TCERG1L: variants seen among roughly 807,000 people sequenced by gnomAD.
The protein encoded by TCERG1L is transcription elongation regulator 1 like.
A neutral mutation model predicts 56.3 loss-of-function variants in TCERG1L; 37 were observed. The ratio of observed to expected loss-of-function variants is 0.66; its 90% CI spans 0.51 to 0.87. The LOEUF (loss-of-function observed/expected upper bound fraction) is 0.87, where lower values mean the gene tolerates loss of function less well. Ranked by LOEUF, TCERG1L falls within the 40% of genes least tolerant of loss-of-function variation. TCERG1L has a pLI of 0.00. For missense variants in TCERG1L, 799 were observed against 774.2 expected (o/e 1.03, Z -0.38); for synonymous variants, 324 against 326.3 (o/e 0.99, Z 0.08).
intron 3 of TCERG1L, among the ~76,000 whole-genome samples, chr10:131,294,274 G>A (rs1846665649): frequency 6.6e-6 from 1 of 152,092 alleles, no homozygotes; most frequent in Admixed American, 6.5e-5. Context: ...GCCACCTGCT[G>A]TGCCACCAAG....
intron 4 of TCERG1L, among the ~76,000 whole-genome samples, chr10:131,248,242 T>C (rs1271592823): frequency 7.0e-6 from 1 of 142,066 alleles, no homozygotes; most frequent in Non-Finnish European, 1.5e-5. Context: ...CACACACGAC[T>C]CACACACACT....
chr10:131,226,254 T>C (rs551547551), intron 4 of TCERG1L, among the ~76,000 whole-genome samples: 7 of 152,046 alleles, frequency 4.6e-5, no homozygotes, highest in Non-Finnish European at 8.8e-5. Context: ...TTTAAAATAG[T>C]TTTTTAGAGA....
At chr10:131,282,924 G>C (rs79555989) in intron 3 of TCERG1L, among the ~76,000 whole-genome samples, 11,208 of 152,210 alleles carry the variant, frequency 0.074, 523 homozygotes, top group African/African-American at 0.12. Context: ...TTTCTTATGG[G>C]TCTTGACCCT....
At chr10:131,112,426 G>A (rs142106371) in intron 9 of TCERG1L, among the ~76,000 whole-genome samples, 3 of 142,282 alleles carry the variant, frequency 2.1e-5, no homozygotes, top group African/African-American at 7.4e-5. Flanking sequence ...CCTCCCACAA[G>A]CCCTAATGAT....
chr10:131,193,940 G>A (rs1055655258), intron 4 of TCERG1L, among the ~76,000 whole-genome samples: 1 of 152,204 alleles, frequency 6.6e-6, no homozygotes, highest in Non-Finnish European at 1.5e-5. Flanking sequence ...CCCACAGGGG[G>A]ATTATGAAGA....
intron 3 of TCERG1L, among the ~76,000 whole-genome samples, chr10:131,294,837 C>CTT (rs796613613): frequency 1.4e-5 from 2 of 145,810 alleles, no homozygotes; most frequent in African/African-American, 5.0e-5. Context: ...TCTTTTAAGC[C>CTT]TTTTTTTTTT....
At position 131,146,033 on chromosome 10, in the gene TCERG1L, T is replaced by C. The variant is rs183698192; in HGVS notation, c.1189+473A>G. On this transcript the variant is annotated intron_variant, in intron 7 of 11. Transcript: ENST00000368642. ...TCCTCTGCAGCTGAAGAAAATCTCT[T>C]CCCCTGTCCGTGACCAGGGTTTTAT... Among the ~76,000 whole-genome samples the C allele has an allele frequency of 3.5e-4, 53 of 152,282 alleles. No individual in the cohort carries two copies. The East Asian group carries it at 9.8e-3, about 28-fold the overall frequency.
At chr10:131,310,208 A>T (rs1253454530) in intron 1 of TCERG1L, among the ~76,000 whole-genome samples, 1 of 152,228 alleles carries the variant, frequency 6.6e-6, no homozygotes, top group Non-Finnish European at 1.5e-5. Context: ...AGCAGAATTT[A>T]AAAAATGTAG....
At chr10:131,257,969 T>C (rs1352720010) in intron 4 of TCERG1L, among the ~76,000 whole-genome samples, 2 of 152,238 alleles carry the variant, frequency 1.3e-5, no homozygotes, top group African/African-American at 2.4e-5. Flanking sequence ...CATCCTTTTA[T>C]AAAATCAGTT....
intron 3 of TCERG1L, among the ~76,000 whole-genome samples, chr10:131,283,229 T>C (rs1846481963): frequency 6.6e-6 from 1 of 152,186 alleles, no homozygotes; most frequent in African/African-American, 2.4e-5. Context: ...TGATCAGGCC[T>C]CCAAGAAGTC....
chr10:131,157,014 T>C (rs1201123056), intron 6 of TCERG1L, among the ~76,000 whole-genome samples: 3 of 152,172 alleles, frequency 2.0e-5, no homozygotes, highest in Non-Finnish European at 2.9e-5. Flanking sequence ...CTTACCTCTT[T>C]AGGCAGAAAT....
At chr10:131,293,665 G>T (rs1381600578) in intron 3 of TCERG1L, among the ~76,000 whole-genome samples, 1 of 152,146 alleles carries the variant, frequency 6.6e-6, no homozygotes, top group East Asian at 1.9e-4. Flanking sequence ...CCCTTGGCCT[G>T]TAAGAGAACG....
At chr10:131,237,365 C>T (rs968071218) in intron 4 of TCERG1L, among the ~76,000 whole-genome samples, 2 of 152,122 alleles carry the variant, frequency 1.3e-5, no homozygotes, top group Non-Finnish European at 2.9e-5. Flanking sequence ...AGACCTCATG[C>T]CCGGCATGTG....
chr10:131,142,869 T>C (rs1398469510), intron 7 of TCERG1L, among the ~76,000 whole-genome samples: 1 of 152,178 alleles, frequency 6.6e-6, no homozygotes, highest in African/African-American at 2.4e-5. Context: ...GCAGAAAGGA[T>C]GGAGGTTGCT....
At chr10:131,310,826 AGG>A (rs1230661391) in intron 1 of TCERG1L, among the ~76,000 whole-genome samples, 1 of 152,242 alleles carries the variant, frequency 6.6e-6, no homozygotes, top group African/African-American at 2.4e-5. Flanking sequence ...TTCAAATGAA[AGG>A]GGGAAAAACC....
At chr10:131,137,420 G>A (rs961032055) in intron 7 of TCERG1L, among the ~76,000 whole-genome samples, 1 of 152,220 alleles carries the variant, frequency 6.6e-6, no homozygotes, top group Non-Finnish European at 1.5e-5. Context: ...GGGCCTCACA[G>A]AGGCTCTCTC....
intron 8 of TCERG1L, among the ~76,000 whole-genome samples, chr10:131,124,344 A>G (rs1440167075): frequency 3.3e-5 from 5 of 152,074 alleles, no homozygotes; most frequent in African/African-American, 1.2e-4. Flanking sequence ...CTCTCATACC[A>G]TTAGGGAGTC....
chr10:131,229,787 T>C (rs1379793358), intron 4 of TCERG1L, among the ~76,000 whole-genome samples: 1 of 152,096 alleles, frequency 6.6e-6, no homozygotes. Context: ...TTTTTAAAAG[T>C]AATCATAATT....
chr10:131,247,827 C>A (rs146503677), intron 4 of TCERG1L, among the ~76,000 whole-genome samples: 1 of 152,306 alleles, frequency 6.6e-6, no homozygotes, highest in Non-Finnish European at 1.5e-5. Context: ...CTGCCTCCTG[C>A]CATGGCCTCA....
Sources: gnomAD v4.1 joint callset for allele counts (sites outside exome capture counted in the v4.1 genomes callset) on GRCh38, gnomAD v4.1.1 for gene constraint, MANE v1.5 for transcripts, NCBI Gene and HGNC (gene_info 2026-07-23, HGNC 2026-07-21) for gene names.